The following PCDH9 variants were observed in gnomAD, a reference collection of about 807,000 sequenced individuals.
The protein encoded by PCDH9 is protocadherin 9, also known as protocadherin-9.
PCDH9 carries 24 observed loss-of-function variants against 70.6 expected under a neutral mutation model. The ratio of observed to expected loss-of-function variants is 0.34; its 90% CI spans 0.25 to 0.48. PCDH9 has a LOEUF of 0.48. Ranked by LOEUF, PCDH9 falls within the 20% of genes least tolerant of loss-of-function variation. The pLI, the probability that PCDH9 is intolerant of heterozygous loss-of-function variation, is 0.99. For synonymous variants in PCDH9, 562 were observed against 558.5 expected (o/e 1.01, Z -0.09); for missense variants, 1,281 against 1,503.6 (o/e 0.85, Z 2.45).
At position 66,779,847 on chromosome 13, in the gene PCDH9, C is replaced by CTATA. The variant is rs1282944249; in HGVS notation, c.3138+123656_3138+123657insTATA. Among the ~76,000 whole-genome samples, 548 of 59,628 alleles carry CTATA rather than the reference C, an allele frequency of 9.2e-3. 3 individuals carry two copies. The highest frequency in any genetic ancestry group is 0.033 in the East Asian group (63 of 1,928). The allele number at this position is 59,628 out of a possible 152,430, so 39.1% of individuals were successfully genotyped here. A position where few individuals can be genotyped will look rare whatever the true frequency, so the allele number is the denominator to read the frequency against. ...TCTCTCTCTCTCTCTCTCTCTCTCTCTCTATATATATATATATATACATAT... is the reference window on the plus strand; with the variant it reads ...TCTCTCTCTCTCTCTCTCTCTCTCTCTATATCTATATATATATATATATACATAT... On this transcript the variant is annotated intron_variant, in intron 3 of 4. Coordinates refer to ENST00000377865, the MANE Select transcript of PCDH9 (RefSeq NM_203487.3).
intron 2 of PCDH9, among the ~76,000 whole-genome samples, chr13:66,997,968 G>A (rs2084156506): frequency 6.6e-6 from 1 of 152,192 alleles, no homozygotes; most frequent in South Asian, 2.1e-4. Flanking sequence ...CTGTCAGTTT[G>A]TGTTTGTTTG....
intron 3 of PCDH9, among the ~76,000 whole-genome samples, chr13:66,759,379 C>T (rs1408776310): frequency 6.6e-6 from 1 of 152,044 alleles, no homozygotes; most frequent in East Asian, 1.9e-4. Flanking sequence ...TGTACCCTCA[C>T]AGGTGCTGTG....
chr13:66,683,164 G>C (rs904830148), intron 3 of PCDH9, among the ~76,000 whole-genome samples: 1 of 152,090 alleles, frequency 6.6e-6, no homozygotes, highest in Non-Finnish European at 1.5e-5. Flanking sequence ...GGCTTCAATG[G>C]TGATGTAAAG....
chr13:67,000,705 A>G (rs1021871693), intron 2 of PCDH9, among the ~76,000 whole-genome samples: 6 of 152,164 alleles, frequency 3.9e-5, no homozygotes, highest in Admixed American at 1.3e-4. Context: ...TTCACAAATA[A>G]TAGAATCAAT....
At chr13:66,539,191 C>T (rs1960839315) in intron 4 of PCDH9, among the ~76,000 whole-genome samples, 1 of 152,042 alleles carries the variant, frequency 6.6e-6, no homozygotes, top group Non-Finnish European at 1.5e-5. Flanking sequence ...TAGTTTACAT[C>T]CACTACCTTC....
At chr13:67,106,905 C>A (rs1406063670) in intron 2 of PCDH9, among the ~76,000 whole-genome samples, 1 of 152,202 alleles carries the variant, frequency 6.6e-6, no homozygotes, top group Non-Finnish European at 1.5e-5. Context: ...TGCTAACATG[C>A]CAGCACACTG....
chr13:66,780,039 A>G (rs572546309), intron 3 of PCDH9, among the ~76,000 whole-genome samples: 1 of 151,874 alleles, frequency 6.6e-6, no homozygotes, highest in East Asian at 1.9e-4. Flanking sequence ...TACAACATGA[A>G]GATTATAGGT....
chr13:66,638,679 T>A (rs1471579729), intron 3 of PCDH9, among the ~76,000 whole-genome samples: 2 of 152,196 alleles, frequency 1.3e-5, no homozygotes, highest in Non-Finnish European at 2.9e-5. Context: ...TGACATGTTA[T>A]GAGCTTACAG....
At chr13:67,099,162 T>C (rs1189885805) in intron 2 of PCDH9, among the ~76,000 whole-genome samples, 7 of 152,212 alleles carry the variant, frequency 4.6e-5, no homozygotes, top group African/African-American at 1.4e-4. Context: ...GAATACTGCA[T>C]TGCTGTTAGT....
At position 66,304,607 on chromosome 13, in the gene PCDH9, G is replaced by C; in HGVS notation, c.*48C>G. On this transcript the variant is annotated 3_prime_UTR_variant, in exon 5 of 5. Coordinates refer to ENST00000377865, the MANE Select transcript of PCDH9 (RefSeq NM_203487.3). Reference sequence around the variant, plus strand: ...GAATACATAAAGCTCTGACGCACACGGTATTAGCATGTCTATTTAAAGTTA... The same window carrying C: ...GAATACATAAAGCTCTGACGCACACCGTATTAGCATGTCTATTTAAAGTTA... 1 of 1,470,118 alleles carries C rather than the reference G, an allele frequency of 6.8e-7. No homozygotes were observed. The highest frequency in any genetic ancestry group is 9.4e-7 in the Non-Finnish European group (1 of 1,059,246). 91.1% of individuals were successfully genotyped at this position (1,470,118 alleles called of 1,614,324 possible).
At chr13:66,811,433 T>C (rs2080502484) in intron 3 of PCDH9, among the ~76,000 whole-genome samples, 1 of 152,236 alleles carries the variant, frequency 6.6e-6, no homozygotes, top group South Asian at 2.1e-4. Context: ...AAAAATGTTT[T>C]ACGCATAATA....
chr13:66,774,531 G>T (rs899739434), intron 3 of PCDH9, among the ~76,000 whole-genome samples: 1 of 152,106 alleles, frequency 6.6e-6, no homozygotes, highest in African/African-American at 2.4e-5. Flanking sequence ...ATAGAAAATG[G>T]ACAGATTGAG....
chr13:66,341,608 C>T (rs1288706994), intron 4 of PCDH9, among the ~76,000 whole-genome samples: 10 of 152,028 alleles, frequency 6.6e-5, no homozygotes, highest in East Asian at 1.9e-4. Context: ...AGAGAAACAC[C>T]GACCTAATTA....
At chr13:67,153,294 T>TGGAACTGG (rs1327504050) in intron 2 of PCDH9, among the ~76,000 whole-genome samples, 1 of 152,042 alleles carries the variant, frequency 6.6e-6, no homozygotes, top group Non-Finnish European at 1.5e-5. Flanking sequence ...CCTCAGTAGC[T>TGGAACTGG]GGAACTGGAA....
At chr13:67,046,810 T>C (rs1051547122) in intron 2 of PCDH9, among the ~76,000 whole-genome samples, 1 of 152,020 alleles carries the variant, frequency 6.6e-6, no homozygotes, top group African/African-American at 2.4e-5. Context: ...AAACTTATTT[T>C]TATCTGACAG....
chr13:66,859,358 T>C (rs1405803604), intron 3 of PCDH9, among the ~76,000 whole-genome samples: 1 of 152,186 alleles, frequency 6.6e-6, no homozygotes, highest in African/African-American at 2.4e-5. Flanking sequence ...CTATTAGTGT[T>C]TGTATTTGAA....
At chr13:66,339,764 T>C (rs1476241661) in intron 4 of PCDH9, among the ~76,000 whole-genome samples, 1 of 152,132 alleles carries the variant, frequency 6.6e-6, no homozygotes, top group Non-Finnish European at 1.5e-5. Flanking sequence ...AAAAAGTAGC[T>C]CTATCCACAC....
intron 2 of PCDH9, among the ~76,000 whole-genome samples, chr13:67,167,320 T>G (rs2088145873): frequency 6.6e-6 from 1 of 152,150 alleles, no homozygotes; most frequent in Non-Finnish European, 1.5e-5. Context: ...TTCCCCTAAT[T>G]TAAAATGAGG....
chr13:66,737,953 A>G (rs1414100940), intron 3 of PCDH9, among the ~76,000 whole-genome samples: 1 of 152,122 alleles, frequency 6.6e-6, no homozygotes, highest in East Asian at 1.9e-4. Context: ...TTGCTTAGGT[A>G]AACAAAGCAG....
Sources: gnomAD v4.1 joint callset for allele counts (sites outside exome capture counted in the v4.1 genomes callset) on GRCh38, gnomAD v4.1.1 for gene constraint, MANE v1.5 for transcripts, NCBI Gene and HGNC (gene_info 2026-07-23, HGNC 2026-07-21) for gene names.